NAA60: variants seen among roughly 807,000 people sequenced by gnomAD.
The protein encoded by NAA60 is N-alpha-acetyltransferase 60.
Under a neutral mutation model 26.1 loss-of-function variants are expected in NAA60, and 8 were observed. The ratio of observed to expected loss-of-function variants is 0.31; its 90% CI spans 0.18 to 0.55. The LOEUF (loss-of-function observed/expected upper bound fraction) is 0.55, where lower values mean the gene tolerates loss of function less well. Among genes scored for constraint, NAA60 ranks in the 20% least tolerant of loss-of-function variants. The pLI is 0.93. For missense variants in NAA60, 290 were observed against 311.3 expected (o/e 0.93, Z 0.51); for synonymous variants, 131 against 122.5 (o/e 1.07, Z -0.46).
At chr16:3,484,533 G>A (rs3999805) in intron 6 of NAA60, 166 bp from the exon 7 acceptor site, 10 of 886,872 alleles carry the variant, frequency 1.1e-5, no homozygotes, top group Admixed American at 5.4e-5. Context: ...AGGCCACTTC[G>A]TCTCATGAGC....
At chr16:3,482,962 G>A in intron 5 of NAA60, 1 of 473,014 alleles carries the variant, frequency 2.1e-6, no homozygotes, top group Non-Finnish European at 3.8e-6. Context: ...CACGCACGAG[G>A]AAGCAACACT....
At chr16:3,483,921 G>A in intron 6 of NAA60, 1 of 365,474 alleles carries the variant, frequency 2.7e-6, no homozygotes, top group Non-Finnish European at 5.0e-6. Context: ...TTGCACTGGG[G>A]ATCAGCAGTG....
chr16:3,450,720 A>AAAAAG (rs1380841694), intron 2 of NAA60, among the ~76,000 whole-genome samples: 1 of 148,800 alleles, frequency 6.7e-6, no homozygotes, highest in African/African-American at 2.6e-5. Flanking sequence ...AAAAAAAAAA[A>AAAAAG]AAAAGAAAGT....
At chr16:3,478,352 G>A (rs1228989091) in intron 3 of NAA60, among the ~76,000 whole-genome samples, 1 of 152,224 alleles carries the variant, frequency 6.6e-6, no homozygotes, top group Non-Finnish European at 1.5e-5. Flanking sequence ...TTGCCTGAGA[G>A]CCAGTGGAGC....
intron 2 of NAA60, chr16:3,458,135 G>A (rs983968505): frequency 9.1e-6 from 9 of 985,118 alleles, no homozygotes; most frequent in Admixed American, 6.2e-5. Flanking sequence ...CCTCCAGGAT[G>A]CGCTGAGCCC....
chr16:3,457,504 T>C (rs1456007836), intron 2 of NAA60, among the ~76,000 whole-genome samples: 2 of 152,122 alleles, frequency 1.3e-5, no homozygotes, highest in African/African-American at 4.8e-5. Flanking sequence ...GAGGGCAGCT[T>C]AAGTTGCCTG....
At chr16:3,457,953 TCAGGGGGCGGGGCCAC>T in intron 2 of NAA60, 1 of 983,568 alleles carries the variant, frequency 1.0e-6, no homozygotes, top group South Asian at 4.7e-5. Flanking sequence ...AGCGCCGGCC[TCAGGGGGCGGGGCCAC>T]GTGGGGGCGG....
At chr16:3,474,389 C>T (rs2036341743) in intron 2 of NAA60, among the ~76,000 whole-genome samples, 1 of 152,236 alleles carries the variant, frequency 6.6e-6, no homozygotes, top group Non-Finnish European at 1.5e-5. Flanking sequence ...CAGCTCGTTC[C>T]AGCAGAGAAC....
intron 4 of NAA60, 35 bp downstream of exon 4, chr16:3,479,635 A>G (rs768608172): frequency 6.2e-7 from 1 of 1,610,734 alleles, no homozygotes; most frequent in Admixed American, 1.7e-5. Flanking sequence ...CTTGGCAGTC[A>G]CTGTCATTGG....
chr16:3,475,513 C>T (rs989662543), intron 2 of NAA60, among the ~76,000 whole-genome samples: 2 of 152,302 alleles, frequency 1.3e-5, no homozygotes, highest in Admixed American at 1.3e-4. Context: ...CCTTTCTATA[C>T]AAACTTCCTT....
intron 2 of NAA60, among the ~76,000 whole-genome samples, chr16:3,467,368 C>A (rs79366695): frequency 6.6e-6 from 1 of 151,990 alleles, no homozygotes; most frequent in Admixed American, 6.6e-5. Context: ...GTGGCCATGG[C>A]CAGCTGAACA....
intron 2 of NAA60, among the ~76,000 whole-genome samples, chr16:3,464,103 G>A (rs550757683): frequency 6.6e-6 from 1 of 151,980 alleles, no homozygotes; most frequent in African/African-American, 2.4e-5. Flanking sequence ...ATGAAGTCTC[G>A]GCTCACTGCA....
intron 1 of NAA60, chr16:3,447,720 C>G: frequency 1.3e-6 from 1 of 772,864 alleles, no homozygotes; most frequent in South Asian, 5.9e-5. Context: ...TACCTAGTCT[C>G]CAGTCTTATA....
At chr16:3,483,254 C>G (rs2074525) in intron 5 of NAA60, 109 bp from the exon 6 acceptor site, 2 of 797,506 alleles carry the variant, frequency 2.5e-6, no homozygotes, top group Admixed American at 4.9e-5. Flanking sequence ...GTCTCTGATA[C>G]GGTGGGCCGA....
chr16:3,469,510 G>T (rs2035987612), intron 2 of NAA60, among the ~76,000 whole-genome samples: 1 of 140,994 alleles, frequency 7.1e-6, no homozygotes, highest in Admixed American at 7.1e-5. Context: ...TTGCCTTGCT[G>T]CTCCGCACAG....
chr16:3,460,504 C>T (rs996474580), intron 2 of NAA60, among the ~76,000 whole-genome samples: 1 of 152,212 alleles, frequency 6.6e-6, no homozygotes, highest in Non-Finnish European at 1.5e-5. Flanking sequence ...GCTGGGATTA[C>T]AGTCATGTGC....
intron 4 of NAA60, among the ~76,000 whole-genome samples, chr16:3,482,072 C>T (rs966695411): frequency 9.2e-5 from 14 of 152,120 alleles, no homozygotes; most frequent in Non-Finnish European, 1.8e-4. Flanking sequence ...GGGCAGCGTG[C>T]GATTCTTTAA....
At chr16:3,473,325 G>T (rs753426315) in intron 2 of NAA60, among the ~76,000 whole-genome samples, 1 of 152,114 alleles carries the variant, frequency 6.6e-6, no homozygotes, top group African/African-American at 2.4e-5. Flanking sequence ...TACATGGCTG[G>T]GGAGGCCTCA....
At chr16:3,468,984 G>T (rs562044092) in intron 2 of NAA60, among the ~76,000 whole-genome samples, 1 of 152,078 alleles carries the variant, frequency 6.6e-6, no homozygotes, top group African/African-American at 2.4e-5. Context: ...TACTTAGGAG[G>T]CTGCGGCGTG....
Sources: allele counts gnomAD v4.1 joint callset (sites outside exome capture counted in the v4.1 genomes callset), GRCh38; gene constraint gnomAD v4.1.1; transcripts MANE v1.5; gene names NCBI Gene and HGNC (gene_info 2026-07-23, HGNC 2026-07-21).